The following UBE2D3 variants were observed in gnomAD, a reference collection of about 807,000 sequenced individuals.
UBE2D3 encodes ubiquitin conjugating enzyme E2 D3, also known as ubiquitin-conjugating enzyme E2 D3.
Under a neutral mutation model 22.8 loss-of-function variants are expected in UBE2D3, and 2 were observed. That is an observed-to-expected ratio of 0.09 (90% CI 0.04 to 0.28). The LOEUF (loss-of-function observed/expected upper bound fraction) is 0.28. UBE2D3 is among the 10% of genes least tolerant of loss of function. The pLI is 1.00. For missense variants in UBE2D3, 27 were observed against 182.5 expected, an observed-to-expected ratio of 0.15 and a Z score of 4.91; for synonymous variants, 56 against 60.4, an observed-to-expected ratio of 0.93 and a Z score of 0.34.
intron 4 of UBE2D3, among the ~76,000 whole-genome samples, chr4:102,804,139 C>T (rs952014064): frequency 6.9e-6 from 1 of 144,160 alleles, no homozygotes; most frequent in African/African-American, 2.5e-5. Context: ...GGGTGGAGGG[C>T]GGGGGGAATG....
intron 4 of UBE2D3, among the ~76,000 whole-genome samples, chr4:102,804,834 T>C (rs953114071): frequency 2.0e-5 from 3 of 151,892 alleles, no homozygotes; most frequent in Non-Finnish European, 4.4e-5. Context: ...ACCACCACAG[T>C]TGGCTAATTT....
chr4:102,807,111 G>C (rs906680134), intron 4 of UBE2D3, among the ~76,000 whole-genome samples: 1 of 152,118 alleles, frequency 6.6e-6, no homozygotes, highest in South Asian at 2.1e-4. Context: ...TGTGGCACTG[G>C]CACCACTTTA....
intron 1 of UBE2D3, among the ~76,000 whole-genome samples, chr4:102,855,796 A>G (rs1732590574): frequency 2.0e-5 from 3 of 152,222 alleles, no homozygotes; most frequent in African/African-American, 7.2e-5. Flanking sequence ...AGATAGGTAA[A>G]TAATTTTGTT....
upstream of UBE2D3, among the ~76,000 whole-genome samples, chr4:102,828,916 C>T (rs769186153): frequency 6.6e-6 from 1 of 152,140 alleles, no homozygotes; most frequent in Non-Finnish European, 1.5e-5. Context: ...TTTTAACATT[C>T]CTTAATGACC....
intron 1 of UBE2D3, among the ~76,000 whole-genome samples, chr4:102,846,418 A>T (rs1269546889): frequency 1.3e-5 from 2 of 152,248 alleles, no homozygotes; most frequent in East Asian, 3.8e-4. Context: ...ATGCCAAAAT[A>T]TTAACTCTTG....
chr4:102,856,558 G>T (rs1167185847), intron 1 of UBE2D3, among the ~76,000 whole-genome samples: 2 of 151,946 alleles, frequency 1.3e-5, no homozygotes, highest in Non-Finnish European at 2.9e-5. Flanking sequence ...ATATTTTTAG[G>T]TTGATAATTA....
chr4:102,825,002 G>A (rs1338667273), intron 2 of UBE2D3, among the ~76,000 whole-genome samples: 1 of 152,104 alleles, frequency 6.6e-6, no homozygotes, highest in Non-Finnish European at 1.5e-5. Flanking sequence ...AACCCAAAAT[G>A]ACGATGTTAT....
chr4:102,839,012 G>C (rs186412253), intron 1 of UBE2D3, among the ~76,000 whole-genome samples: 1 of 152,248 alleles, frequency 6.6e-6, no homozygotes, highest in Non-Finnish European at 1.5e-5. Context: ...TTCCCAGACA[G>C]ATTCAGTAAA....
In UBE2D3 at chr4:102,826,610, C is replaced by A; in HGVS notation, c.-102G>T. On this transcript the variant is annotated 5_prime_UTR_variant, in exon 2 of 8. Transcript: ENST00000453744. ...GCGGCGGGGCAGGATTGTCTCGTCT[C>A]ACACCAGCTCTGCCAGACACAGGCG... The A allele has an allele frequency of 6.3e-7, 1 of 1,594,496 alleles. No homozygotes were observed. The highest frequency in any genetic ancestry group is 8.5e-7 in the Non-Finnish European group (1 of 1,176,262).
At chr4:102,859,293 C>T (rs1045623557) in intron 1 of UBE2D3, among the ~76,000 whole-genome samples, 1 of 151,958 alleles carries the variant, frequency 6.6e-6, no homozygotes, top group African/African-American at 2.4e-5. Flanking sequence ...TATAGGAGCT[C>T]CCTTGTACAT....
intron 1 of UBE2D3, among the ~76,000 whole-genome samples, chr4:102,859,482 G>A (rs1732778047): frequency 6.6e-6 from 1 of 151,928 alleles, no homozygotes; most frequent in African/African-American, 2.4e-5. Flanking sequence ...TCATGCTTAT[G>A]AACCACAAAA....
At chr4:102,834,371 A>G (rs569625850) in intron 1 of UBE2D3, among the ~76,000 whole-genome samples, 1 of 152,244 alleles carries the variant, frequency 6.6e-6, no homozygotes, top group South Asian at 2.1e-4. Context: ...AGGATTAAAA[A>G]ACTCTCATTT....
chr4:102,804,936 T>C (rs1054589508), intron 4 of UBE2D3, among the ~76,000 whole-genome samples: 1 of 152,062 alleles, frequency 6.6e-6, no homozygotes, highest in Non-Finnish European at 1.5e-5. Flanking sequence ...CCACCCACCT[T>C]GGCCTCCCAA....
At chr4:102,844,353 C>G (rs1236020139) in intron 1 of UBE2D3, among the ~76,000 whole-genome samples, 1 of 152,168 alleles carries the variant, frequency 6.6e-6, no homozygotes, top group African/African-American at 2.4e-5. Context: ...GCTGGGGTTA[C>G]AGGCATGAGC....
intron 1 of UBE2D3, among the ~76,000 whole-genome samples, chr4:102,864,180 A>G (rs1189219996): frequency 6.6e-6 from 1 of 152,256 alleles, no homozygotes; most frequent in African/African-American, 2.4e-5. Flanking sequence ...TACAGGTTAT[A>G]TAATTTATCC....
chr4:102,819,672 G>T, intron 2 of UBE2D3: 2 of 817,160 alleles, frequency 2.4e-6, no homozygotes, highest in Non-Finnish European at 3.0e-6. Context: ...CCAAGTTCAT[G>T]GATTCTACCT....
intron 4 of UBE2D3, among the ~76,000 whole-genome samples, chr4:102,806,484 A>G (rs1281113046): frequency 1.3e-5 from 2 of 152,198 alleles, no homozygotes; most frequent in Non-Finnish European, 2.9e-5. Flanking sequence ...TACGTGGGAA[A>G]TGACATAATA....
At position 102,826,948 on chromosome 4, in the gene UBE2D3, G is replaced by A. The variant is rs934630394; in HGVS notation, c.-128-312C>T. 5.0e-6 allele frequency: 5 copies of A among 1,005,064 alleles called. No homozygotes were observed. The African/African-American group carries it at 5.2e-5, about 10-fold the overall frequency. 62.3% of individuals were successfully genotyped at this position (1,005,064 alleles called of 1,614,324 possible). On this transcript the variant is annotated intron_variant, in intron 1 of 7. Coordinates refer to ENST00000453744, the MANE Select transcript of UBE2D3 (RefSeq NM_181891.3). ...GCAGAGGAGGAGCCGGGGCCTAGTC[G>A]GCGCTATACCGGCGTCACTAGGGCA... is the stretch of plus-strand genomic sequence containing the variant.
chr4:102,804,812 C>T (rs1726774735), intron 4 of UBE2D3, among the ~76,000 whole-genome samples: 3 of 152,092 alleles, frequency 2.0e-5, no homozygotes, highest in Admixed American at 1.3e-4. Flanking sequence ...GTAGCTGGAA[C>T]TACAGGAGTG....
Sources: gnomAD v4.1 joint callset for allele counts (sites outside exome capture counted in the v4.1 genomes callset) on GRCh38, gnomAD v4.1.1 for gene constraint, MANE v1.5 for transcripts, NCBI Gene and HGNC (gene_info 2026-07-23, HGNC 2026-07-21) for gene names.